The following OR9Q1 variants were observed in gnomAD, a reference collection of about 807,000 sequenced individuals.
The protein encoded by OR9Q1 is olfactory receptor family 9 subfamily Q member 1, also known as olfactory receptor 9Q1.
For synonymous variants in OR9Q1, 153 were observed against 148.6 expected, an observed-to-expected ratio of 1.03 and a Z score of -0.22; for missense variants, 374 against 378.8, an observed-to-expected ratio of 0.99 and a Z score of 0.11.
chr11:58,155,556 C>T (rs1254763853), intron 2 of OR9Q1, among the ~76,000 whole-genome samples: 1 of 152,126 alleles, frequency 6.6e-6, no homozygotes, highest in African/African-American at 2.4e-5. Context: ...CTGGTCCTGG[C>T]CCTGCTTTCC....
chr11:58,170,739 T>C (rs907053862), intron 2 of OR9Q1, among the ~76,000 whole-genome samples: 47 of 152,288 alleles, frequency 3.1e-4, no homozygotes, highest in Middle Eastern at 3.4e-3. Context: ...TTCTCTCTCT[T>C]GTCTGCCACC....
chr11:58,090,799 A>T (rs1342771133), intron 2 of OR9Q1, among the ~76,000 whole-genome samples: 1 of 152,046 alleles, frequency 6.6e-6, no homozygotes, highest in African/African-American at 2.4e-5. Flanking sequence ...GTAGGCTATT[A>T]ATTACTGCCT....
At chr11:58,063,454 A>G (rs575313383) in intron 2 of OR9Q1, among the ~76,000 whole-genome samples, 19 of 152,220 alleles carry the variant, frequency 1.2e-4, no homozygotes, top group Non-Finnish European at 2.5e-4. Context: ...AACACATGCA[A>G]AGGATCTAAA....
chr11:58,152,686 G>T (rs780495940), intron 2 of OR9Q1, among the ~76,000 whole-genome samples: 5 of 152,012 alleles, frequency 3.3e-5, no homozygotes, highest in Middle Eastern at 3.4e-3. Context: ...ATGCTTTTAG[G>T]CTCCAAAAAT....
intron 1 of OR9Q1, among the ~76,000 whole-genome samples, chr11:58,039,853 G>A (rs917937387): frequency 1.2e-4 from 19 of 152,090 alleles, no homozygotes; most frequent in African/African-American, 4.6e-4. Context: ...TCAGTTATTT[G>A]GCAATAAATC....
chr11:58,033,584 G>A (rs556623812), intron 1 of OR9Q1, among the ~76,000 whole-genome samples: 1 of 152,196 alleles, frequency 6.6e-6, no homozygotes, highest in African/African-American at 2.4e-5. Flanking sequence ...ATGGGAATAA[G>A]AGATACTGGG....
At chr11:58,141,598 A>T (rs1237918753) in intron 2 of OR9Q1, among the ~76,000 whole-genome samples, 2 of 152,078 alleles carry the variant, frequency 1.3e-5, no homozygotes, top group Non-Finnish European at 2.9e-5. Flanking sequence ...AAGCTTTTTG[A>T]TGTGCTGCTG....
intron 2 of OR9Q1, among the ~76,000 whole-genome samples, chr11:58,167,957 G>A (rs887839794): frequency 6.6e-6 from 1 of 152,150 alleles, no homozygotes; most frequent in Non-Finnish European, 1.5e-5. Context: ...TTGAAGGGTG[G>A]AGCTGCCATC....
intron 2 of OR9Q1, among the ~76,000 whole-genome samples, chr11:58,092,769 C>A (rs1463741800): frequency 6.6e-6 from 1 of 152,034 alleles, no homozygotes; most frequent in African/African-American, 2.4e-5. Flanking sequence ...GCTTTATTTA[C>A]CACAATTTGT....
intron 2 of OR9Q1, among the ~76,000 whole-genome samples, chr11:58,122,120 A>C (rs981311623): frequency 6.6e-6 from 1 of 152,126 alleles, no homozygotes; most frequent in Non-Finnish European, 1.5e-5. Context: ...AATCATTGTG[A>C]CTGCTTTATT....
intron 2 of OR9Q1, among the ~76,000 whole-genome samples, chr11:58,065,545 T>C (rs1215066293): frequency 4.6e-5 from 7 of 152,180 alleles, no homozygotes; most frequent in African/African-American, 1.7e-4. Flanking sequence ...AGTTAAGCCT[T>C]GGAAACAGTT....
chr11:58,168,401 A>G (rs1032135305), intron 2 of OR9Q1, among the ~76,000 whole-genome samples: 1 of 152,180 alleles, frequency 6.6e-6, no homozygotes, highest in Non-Finnish European at 1.5e-5. Flanking sequence ...TACTGTTCTT[A>G]TATTCAAATT....
intron 1 of OR9Q1, among the ~76,000 whole-genome samples, chr11:58,028,715 T>C (rs1308826903): frequency 6.6e-6 from 1 of 152,178 alleles, no homozygotes; most frequent in Non-Finnish European, 1.5e-5. Context: ...GCATGAAGTG[T>C]CTGGGGCTGC....
At chr11:58,164,369 G>A (rs1854482292) in intron 2 of OR9Q1, among the ~76,000 whole-genome samples, 1 of 152,170 alleles carries the variant, frequency 6.6e-6, no homozygotes, top group South Asian at 2.1e-4. Context: ...GATGGTGGTG[G>A]GGATGGGGCA....
chr11:58,048,132 C>T (rs906957339), intron 1 of OR9Q1, among the ~76,000 whole-genome samples: 4 of 152,130 alleles, frequency 2.6e-5, no homozygotes, highest in Non-Finnish European at 5.9e-5. Context: ...AGGAACCTAT[C>T]CAGTTTTTTA....
chr11:58,170,436 A>G (rs1208272779), intron 2 of OR9Q1, among the ~76,000 whole-genome samples: 4 of 152,058 alleles, frequency 2.6e-5, no homozygotes, highest in Non-Finnish European at 5.9e-5. Context: ...ATTAAGATTC[A>G]TTTTCAGGAA....
chr11:58,109,168 G>A (rs752290281), intron 2 of OR9Q1: 9 of 496,252 alleles, frequency 1.8e-5, no homozygotes, highest in South Asian at 1.3e-4. Context: ...GAAGGAGAGG[G>A]TGAAGGTGCA....
At chr11:58,059,716 A>G (rs1186106) in intron 2 of OR9Q1, among the ~76,000 whole-genome samples, 5 of 140,700 alleles carry the variant, frequency 3.6e-5, no homozygotes, top group Admixed American at 7.1e-5. Context: ...AAAAAAAAAA[A>G]GGAAAGGGAG....
chr11:58,037,672 TATATATATATATATATA>T (rs1207257310), intron 1 of OR9Q1, among the ~76,000 whole-genome samples: 6 of 9,598 alleles, frequency 6.3e-4, no homozygotes, highest in Admixed American at 1.5e-3. Context: ...TATATATATA[TATATATATATATATATA>T]TTTTTTTTTT....
Sources: allele counts gnomAD v4.1 joint callset (sites outside exome capture counted in the v4.1 genomes callset), GRCh38; gene constraint gnomAD v4.1.1; transcripts MANE v1.5; gene names NCBI Gene and HGNC (gene_info 2026-07-23, HGNC 2026-07-21).